Variants in ATP11C observed in about 807,000 individuals in gnomAD.
ATP11C encodes the protein ATPase phospholipid transporting 11C (ATP11C blood group).
In ATP11C, 36 loss-of-function variants were observed where a neutral mutation model predicts 97.4. The ratio of observed to expected loss-of-function variants is 0.37; its 90% CI spans 0.28 to 0.49. The LOEUF (loss-of-function observed/expected upper bound fraction) is 0.49. ATP11C is among the 20% of genes least tolerant of loss of function. The pLI, the probability that ATP11C is intolerant of heterozygous loss-of-function variation, is 0.98. For missense variants in ATP11C, 730 were observed against 824.6 expected (o/e 0.89, Z 1.40); for synonymous variants, 275 against 290.9 (o/e 0.95, Z 0.56).
chrX:139,745,803 A>G lies in ATP11C; in HGVS notation c.2883T>C (p.Phe961=). Reference sequence around the variant, plus strand: ...ACACTGTCCCTTCAAAGGCAGCCAGAAATGTCCAATATAAGAAGGGGCCCA... The same window carrying G: ...ACACTGTCCCTTCAAAGGCAGCCAGGAATGTCCAATATAAGAAGGGGCCCA... ...LQLGPFLYWT[F]LAAFEGTVFF... The change falls in exon 25 of 30, where the codon TTT becomes TTC. Residue 961 remains phenylalanine, a synonymous_variant. Coordinates refer to ENST00000682941, the MANE Select transcript of ATP11C (RefSeq NM_001353812.2). The G allele has an allele frequency of 8.3e-7, 1 of 1,207,861 alleles. No individual in the cohort carries two copies. Among genetic ancestry groups the G allele is most frequent in the Non-Finnish European group, 1.1e-6 (1 of 893,118 alleles).
intron 1 of ATP11C, among the ~76,000 whole-genome samples, chrX:139,872,962 T>A (rs1203212371): frequency 1.8e-5 from 2 of 112,482 alleles, no homozygotes; most frequent in Non-Finnish European, 3.7e-5. Flanking sequence ...TTCCTTTCAG[T>A]GCAGCTTTCT....
Position 139,782,547 on chromosome X carries a change from T to C in ATP11C, c.1952A>G (p.Lys651Arg), listed in dbSNP as rs748765102. 1 of 1,189,671 alleles carries C rather than the reference T, an allele frequency of 8.4e-7. No homozygotes were observed. Among genetic ancestry groups the C allele is most frequent in the South Asian group, 1.8e-5 (1 of 54,696 alleles). Residue 651 changes from lysine (K) to arginine (R), a missense_variant and splice_region_variant, in exon 18 of 30, where the codon AAG becomes AGG. Transcript: ENST00000682941. ...AATAAGAGTATCATTTTCTAGTTACTTGTCTTCAACTGCAGTGGCTCCAAT... is the reference window on the plus strand; with the variant it reads ...AATAAGAGTATCATTTTCTAGTTACCTGTCTTCAACTGCAGTGGCTCCAAT... ...NLIGATAVED[K>R]LQDQAAETIE...
At position 139,819,390 on chromosome X, in the gene ATP11C, TCAAA is replaced by T; in HGVS notation, c.181_184del (p.Phe61AsnfsTer13). 1 of 1,147,160 alleles carries T rather than the reference TCAAA, an allele frequency of 8.7e-7. No homozygotes were observed. The highest frequency in any genetic ancestry group is 1.2e-6 in the Non-Finnish European group (1 of 854,590). 94.5% of individuals were successfully genotyped at this position (1,147,160 alleles called of 1,213,427 possible). On this transcript the variant is annotated frameshift_variant, in exon 3 of 30. Coordinates refer to ENST00000682941, the MANE Select transcript of ATP11C (RefSeq NM_001353812.2). LOFTEE classifies it high-confidence loss of function. ...AAAATTTGCAATTCTTCTAAACTGT[TCAAA>T]CAGATTCTTTGGGAGAAAATTCCAA...
At chrX:139,928,851 G>A (rs928454354) in intron 1 of ATP11C, among the ~76,000 whole-genome samples, 1 of 111,854 alleles carries the variant, frequency 8.9e-6, no homozygotes, top group African/African-American at 3.2e-5. Flanking sequence ...AAGCTAAACT[G>A]ACAGCATCCT....
At position 139,782,422 on chromosome X, in the gene ATP11C, A is replaced by G. The variant is rs1365324833; in HGVS notation, c.1952+125T>C. The stretch of plus-strand genomic sequence containing the variant: ...TTTTCATACTTGCTATAATAAATAA[A>G]TCTTTAAGTCCACTTAAACAATAAA... On this transcript the variant is annotated intron_variant, in intron 18 of 29. Coordinates refer to ENST00000682941, the MANE Select transcript of ATP11C (RefSeq NM_001353812.2). 4 of 407,573 alleles carry G rather than the reference A, an allele frequency of 9.8e-6. No homozygotes were observed. In the Admixed American group the frequency reaches 2.1e-4, roughly 21 times the overall value. The allele number at this position is 407,573 out of a possible 1,213,427, so 33.6% of individuals were successfully genotyped here.
At chrX:139,800,831 G>A (rs1374093327) in intron 7 of ATP11C, among the ~76,000 whole-genome samples, 2 of 111,798 alleles carry the variant, frequency 1.8e-5, no homozygotes, top group Non-Finnish European at 3.8e-5. Context: ...AATCTGCATC[G>A]TAAACAGCAT....
At chrX:139,742,912 TAA>T (rs1569426428) in intron 26 of ATP11C, among the ~76,000 whole-genome samples, 4 of 91,401 alleles carry the variant, frequency 4.4e-5, no homozygotes, top group African/African-American at 1.6e-4. Context: ...TATATATATA[TAA>T]AAATAGAGAC....
At chrX:139,811,641 C>T (rs1390029059) in intron 5 of ATP11C, among the ~76,000 whole-genome samples, 1 of 109,542 alleles carries the variant, frequency 9.1e-6, no homozygotes, top group African/African-American at 3.3e-5. Flanking sequence ...CAAAAAATAT[C>T]CTGAATATAT....
rs186644424 is a variant in ATP11C at position 139,866,946 on chromosome X, T to C, written c.28-40123A>G. ...AAAAATACAAAAAACATTAGCCAGGTATGGTAGTGCATGCCTGTAATCTCA... is the reference window on the plus strand; with the variant it reads ...AAAAATACAAAAAACATTAGCCAGGCATGGTAGTGCATGCCTGTAATCTCA... On this transcript the variant is annotated intron_variant, in intron 1 of 29. Transcript: ENST00000682941. Among the ~76,000 whole-genome samples, 6 of 109,354 alleles carry C rather than the reference T, an allele frequency of 5.5e-5. No individual in the cohort carries two copies. The East Asian group carries it at 1.8e-3, about 32-fold the overall frequency. The allele number at this position is 109,354 out of a possible 115,157, so 95.0% of individuals were successfully genotyped here. A position where few individuals can be genotyped will look rare whatever the true frequency, so the allele number is the denominator to read the frequency against.
chrX:139,743,750 T>C (rs1603339004), intron 25 of ATP11C, 126 bp from the exon 26 acceptor site: 2 of 403,387 alleles, frequency 5.0e-6, no homozygotes, highest in Non-Finnish European at 4.3e-6. Context: ...ATGAATTGTT[T>C]AGGGAAACAG....
intron 24 of ATP11C, among the ~76,000 whole-genome samples, chrX:139,747,458 T>A (rs1173681499): frequency 9.0e-6 from 1 of 111,105 alleles, no homozygotes; most frequent in African/African-American, 3.3e-5. Flanking sequence ...AGAATCAAGA[T>A]CTGGGGAGAG....
chrX:139,846,754 C>CT (rs766412377), intron 1 of ATP11C, among the ~76,000 whole-genome samples: 1 of 111,188 alleles, frequency 9.0e-6, no homozygotes, highest in Non-Finnish European at 1.9e-5. Flanking sequence ...CTGAAACAGA[C>CT]TGATACTAGT....
chrX:139,828,663 C>T (rs980237637), intron 1 of ATP11C, among the ~76,000 whole-genome samples: 1 of 111,995 alleles, frequency 8.9e-6, no homozygotes, highest in East Asian at 2.8e-4. Flanking sequence ...GAAGAAGTGG[C>T]TGCAGAGTAA....
chrX:139,806,741 C>T, intron 5 of ATP11C, among the ~76,000 whole-genome samples: 1 of 111,572 alleles, frequency 9.0e-6, no homozygotes, highest in Non-Finnish European at 1.9e-5. Context: ...AAGAACCTTT[C>T]TCACTGGCAC....
chrX:139,931,180 C>T (rs2085426856), intron 1 of ATP11C, among the ~76,000 whole-genome samples: 1 of 112,201 alleles, frequency 8.9e-6, no homozygotes, highest in South Asian at 3.7e-4. Flanking sequence ...AAACAGGTTA[C>T]TCAAAAAAGT....
At chrX:139,771,184 T>C (rs1440864433) in intron 19 of ATP11C, among the ~76,000 whole-genome samples, 16 of 111,375 alleles carry the variant, frequency 1.4e-4, no homozygotes, top group Non-Finnish European at 2.4e-4. Flanking sequence ...GCTGTTCTCG[T>C]GAGAGTGAGT....
chrX:139,820,617 C>T (rs944568602), intron 2 of ATP11C, among the ~76,000 whole-genome samples: 3 of 109,075 alleles, frequency 2.8e-5, no homozygotes, highest in Non-Finnish European at 3.8e-5. Context: ...TAATCAATAA[C>T]ATACCACTCT....
intron 1 of ATP11C, among the ~76,000 whole-genome samples, chrX:139,916,692 G>T (rs1452048438): frequency 9.0e-6 from 1 of 110,625 alleles, no homozygotes. Context: ...ATATACAACG[G>T]TCCTGTGGCA....
chrX:139,765,007 G>A (rs1416302391), intron 20 of ATP11C, among the ~76,000 whole-genome samples: 4 of 111,707 alleles, frequency 3.6e-5, no homozygotes, highest in East Asian at 5.6e-4. Flanking sequence ...GAAAAAATAC[G>A]CACCCAAGGT....
Sources: gnomAD v4.1 joint callset for allele counts (sites outside exome capture counted in the v4.1 genomes callset) on GRCh38, gnomAD v4.1.1 for gene constraint, MANE v1.5 for transcripts, NCBI Gene and HGNC (gene_info 2026-07-23, HGNC 2026-07-21) for gene names.